Variants in RAD52 observed in about 807,000 individuals in gnomAD.
The protein encoded by RAD52 is RAD52 DNA repair protein, also known as DNA repair protein RAD52 homolog.
A neutral mutation model predicts 55.5 loss-of-function variants in RAD52; 47 were observed. That is an observed-to-expected ratio of 0.85 (90% CI 0.67 to 1.08). RAD52 has a LOEUF of 1.08. RAD52 is among the 50% of genes least tolerant of loss of function. The probability of loss-of-function intolerance (pLI) is 0.00; values close to 1 mark genes in which losing one functional copy is unlikely to be tolerated. For synonymous variants in RAD52, 184 were observed against 198.9 expected, an observed-to-expected ratio of 0.92 and a Z score of 0.63; for missense variants, 468 against 522.8, an observed-to-expected ratio of 0.90 and a Z score of 1.02.
At position 964,132 on chromosome 12, in the gene RAD52, C is replaced by T. The variant is rs137988308; in HGVS notation, c.-19+25677G>A. Among the ~76,000 whole-genome samples the T allele has an allele frequency of 4.6e-5, 7 of 152,060 alleles. No homozygotes were observed. In the South Asian group the frequency reaches 6.2e-4, roughly 14 times the overall value. On this transcript the variant is annotated intron_variant, in intron 1 of 11. Transcript: ENST00000430095. ...TTGGGGTTCAGACAAGGCATTTAGG[C>T]GATGTGACTTTGGTTTTACTCTGAG...
Position 931,437 on chromosome 12 carries a change from ATG to A in RAD52, c.85-118_85-117del. 3 of 712,458 alleles carry A rather than the reference ATG, an allele frequency of 4.2e-6. No homozygotes were observed. The South Asian group carries it at 6.5e-5, about 15-fold the overall frequency. 44.1% of individuals were successfully genotyped at this position (712,458 alleles called of 1,614,324 possible). On this transcript the variant is annotated intron_variant, in intron 2 of 11. Transcript: ENST00000358495. ...AAAAGACCCCCCAGAACCTTTGTTT[ATG>A]TGGGTTCTATGTATCCTATTAGGAA...
chr12:964,961 G>GCCTT (rs201644340), intron 1 of RAD52, among the ~76,000 whole-genome samples: 29,209 of 73,800 alleles, frequency 0.4, 3,087 homozygotes, highest in East Asian at 0.52. Flanking sequence ...CTGCCCGCCT[G>GCCTT]CCTGCCTTCC....
intron 1 of RAD52, among the ~76,000 whole-genome samples, chr12:965,981 G>GC (rs1225316471): frequency 1.3e-5 from 2 of 151,902 alleles, no homozygotes; most frequent in African/African-American, 2.4e-5. Context: ...ACTGTGCCTG[G>GC]CTGTTTGTTT....
chr12:932,044 G>T (rs1245674492), intron 2 of RAD52, among the ~76,000 whole-genome samples: 1 of 152,208 alleles, frequency 6.6e-6, no homozygotes, highest in South Asian at 2.1e-4. Context: ...AGGACCCCCA[G>T]TAACTTTCCA....
intron 1 of RAD52, chr12:975,064 C>T (rs1168164627): frequency 3.9e-5 from 6 of 152,134 alleles, no homozygotes; most frequent in Non-Finnish European, 7.3e-5. Flanking sequence ...ATTGTTACAA[C>T]TGTTCTATTA....
At position 912,871 on chromosome 12, in the gene RAD52, G is replaced by A. The variant is rs1440191244; in HGVS notation, c.*520C>T. ...AAATTATTTATATTAAATGAAGATTGTAGCCTGGATTGATACAAAGTAGTG... is the reference window on the plus strand; with the variant it reads ...AAATTATTTATATTAAATGAAGATTATAGCCTGGATTGATACAAAGTAGTG... On this transcript the variant is annotated 3_prime_UTR_variant, in exon 12 of 12. Transcript: ENST00000358495. 1 of 194,024 alleles carries A rather than the reference G, an allele frequency of 5.2e-6. No individual in the cohort carries two copies. Among genetic ancestry groups the A allele is most frequent in the Non-Finnish European group, 1.1e-5 (1 of 93,422 alleles). 12.0% of individuals were successfully genotyped at this position (194,024 alleles called of 1,614,324 possible). A position where few individuals can be genotyped will look rare whatever the true frequency, so the allele number is the denominator to read the frequency against.
At chr12:987,836 A>T (rs1161901853) in intron 1 of RAD52, among the ~76,000 whole-genome samples, 3 of 152,196 alleles carry the variant, frequency 2.0e-5, no homozygotes, top group Non-Finnish European at 4.4e-5. Flanking sequence ...TGTTGGGATT[A>T]TAGGCGCAAG....
chr12:925,648 C>A lies in RAD52; in HGVS notation c.468-123G>T, dbSNP rs879010299. 1.4e-4 allele frequency: 100 copies of A among 712,190 alleles called. 1 individual carries two copies. The South Asian group carries it at 1.5e-3, about 11-fold the overall frequency. 44.1% of individuals were successfully genotyped at this position (712,190 alleles called of 1,614,324 possible). A position where few individuals can be genotyped will look rare whatever the true frequency, so the allele number is the denominator to read the frequency against. Reference sequence around the variant, plus strand: ...GAGCAGCAGAGGAAGTGGACCCTAACATGCATTCCCCATTGATGTCTGGTA... The same window carrying A: ...GAGCAGCAGAGGAAGTGGACCCTAAAATGCATTCCCCATTGATGTCTGGTA... On this transcript the variant is annotated intron_variant, in intron 6 of 11. Transcript: ENST00000358495.
chr12:927,007 G>A (rs1349771811), intron 6 of RAD52, 138 bp downstream of exon 6: 2 of 1,553,422 alleles, frequency 1.3e-6, no homozygotes, highest in East Asian at 4.5e-5. Context: ...CAGGAACCAG[G>A]GCAGGGGTGA....
At chr12:932,558 TCA>T (rs1240237756) in intron 2 of RAD52, among the ~76,000 whole-genome samples, 1 of 152,110 alleles carries the variant, frequency 6.6e-6, no homozygotes, top group Non-Finnish European at 1.5e-5. Flanking sequence ...AGGGAGATTT[TCA>T]CAGTTTCATT....
intron 1 of RAD52, among the ~76,000 whole-genome samples, chr12:944,342 T>C (rs1958079280): frequency 6.6e-6 from 1 of 151,862 alleles, no homozygotes; most frequent in Non-Finnish European, 1.5e-5. Flanking sequence ...GGAACATGGC[T>C]GTCTCTACAA....
intron 1 of RAD52, chr12:974,944 C>T (rs1174323374): frequency 6.6e-6 from 1 of 152,128 alleles, no homozygotes; most frequent in African/African-American, 2.4e-5. Context: ...AGTCCCCTGC[C>T]TTATATGCAG....
chr12:971,414 G>A (rs905777576), intron 1 of RAD52, among the ~76,000 whole-genome samples: 2 of 152,018 alleles, frequency 1.3e-5, no homozygotes, highest in African/African-American at 4.8e-5. Context: ...AACTGGGGAG[G>A]CAGGTATTGC....
intron 10 of RAD52, 47 bp downstream of exon 10, chr12:914,384 C>A (rs572872691): frequency 1.9e-6 from 3 of 1,606,148 alleles, no homozygotes; most frequent in Non-Finnish European, 8.5e-7. Flanking sequence ...TCTGTGGCTA[C>A]TAGAAACATA....
chr12:965,164 G>A (rs958438250), intron 1 of RAD52, among the ~76,000 whole-genome samples: 11 of 152,014 alleles, frequency 7.2e-5, no homozygotes, highest in Middle Eastern at 3.4e-3. Flanking sequence ...ATTTTTAGTA[G>A]AGATGGGGTT....
intron 9 of RAD52, 126 bp downstream of exon 9, chr12:916,218 T>C: frequency 6.7e-7 from 1 of 1,485,822 alleles, no homozygotes; most frequent in Non-Finnish European, 8.9e-7. Context: ...GCGTGTAGCT[T>C]GAGAGAAGTC....
intron 1 of RAD52, among the ~76,000 whole-genome samples, chr12:944,146 G>A (rs1329049700): frequency 3.3e-5 from 5 of 152,092 alleles, no homozygotes; most frequent in Admixed American, 1.3e-4. Context: ...AGCCTGGAAG[G>A]TAGAGGCTGC....
chr12:958,213 T>C (rs4765653), intron 1 of RAD52, among the ~76,000 whole-genome samples: 95 of 151,650 alleles, frequency 6.3e-4, no homozygotes, highest in East Asian at 5.8e-3. Flanking sequence ...TGTATTGCCT[T>C]CTATTTTATT....
At chr12:970,943 G>A (rs535432507) in intron 1 of RAD52, among the ~76,000 whole-genome samples, 57 of 150,428 alleles carry the variant, frequency 3.8e-4, no homozygotes, top group African/African-American at 6.6e-4. Context: ...GAAATAAATC[G>A]ATACTTGATT....
Sources: allele counts gnomAD v4.1 joint callset (sites outside exome capture counted in the v4.1 genomes callset), GRCh38; gene constraint gnomAD v4.1.1; transcripts MANE v1.5; gene names NCBI Gene and HGNC (gene_info 2026-07-23, HGNC 2026-07-21).